PRIMA1: variants seen among roughly 807,000 people sequenced by gnomAD.
PRIMA1 encodes the protein proline rich membrane anchor 1.
A neutral mutation model predicts 17.5 loss-of-function variants in PRIMA1; 7 were observed. That is an observed-to-expected ratio of 0.40 (90% CI 0.23 to 0.75). The LOEUF (loss-of-function observed/expected upper bound fraction) is 0.75, where lower values mean the gene tolerates loss of function less well. Among genes scored for constraint, PRIMA1 ranks in the 30% least tolerant of loss-of-function variants. The probability of loss-of-function intolerance (pLI) is 0.37; values close to 1 mark genes in which losing one functional copy is unlikely to be tolerated. For synonymous variants in PRIMA1, 97 were observed against 77.9 expected (o/e 1.25, Z -1.29); for missense variants, 200 against 201.8 (o/e 0.99, Z 0.05).
intron 3 of PRIMA1, among the ~76,000 whole-genome samples, chr14:93,758,097 T>C (rs2076303308): frequency 6.6e-6 from 1 of 152,226 alleles, no homozygotes; most frequent in Non-Finnish European, 1.5e-5. Context: ...TTCACTTTCC[T>C]GTCCTGCCTC....
intron 3 of PRIMA1, among the ~76,000 whole-genome samples, chr14:93,773,177 T>A (rs1885116989): frequency 6.6e-6 from 1 of 152,214 alleles, no homozygotes; most frequent in African/African-American, 2.4e-5. Flanking sequence ...TACCACCTTT[T>A]GAGCACAAAG....
intron 4 of PRIMA1, among the ~76,000 whole-genome samples, chr14:93,734,854 G>A (rs2076139620): frequency 1.3e-5 from 2 of 152,166 alleles, no homozygotes; most frequent in African/African-American, 2.4e-5. Context: ...GGAGCCAAGA[G>A]CTCAGAGAAA....
At chr14:93,724,940 G>A (rs189185291) in intron 4 of PRIMA1, among the ~76,000 whole-genome samples, 1 of 152,264 alleles carries the variant, frequency 6.6e-6, no homozygotes, top group East Asian at 1.9e-4. Flanking sequence ...ACCCTTTTGC[G>A]GCTAAGGTGA....
At chr14:93,763,670 G>C (rs1443945506) in intron 3 of PRIMA1, among the ~76,000 whole-genome samples, 3 of 152,126 alleles carry the variant, frequency 2.0e-5, no homozygotes, top group Non-Finnish European at 4.4e-5. Context: ...TGCGTGCCCC[G>C]TCTGCTAATC....
At chr14:93,785,809 T>A (rs1298831751) in intron 2 of PRIMA1, among the ~76,000 whole-genome samples, 1 of 152,116 alleles carries the variant, frequency 6.6e-6, no homozygotes, top group East Asian at 1.9e-4. Flanking sequence ...CCTTTTTAAA[T>A]TGATTTTTAT....
intron 3 of PRIMA1, among the ~76,000 whole-genome samples, chr14:93,746,044 C>G (rs1321218152): frequency 1.3e-5 from 2 of 152,138 alleles, no homozygotes; most frequent in Non-Finnish European, 2.9e-5. Context: ...CTATATCCCC[C>G]ACCCTCCAGA....
chr14:93,726,718 TACAC>T lies in PRIMA1; in HGVS notation c.360-5176_360-5173del, dbSNP rs563286907. The stretch of plus-strand genomic sequence containing the variant: ...GCACAAACCCATACAAACATGTACT[TACAC>T]ACACACATATATGTACACACAGGCA... On this transcript the variant is annotated intron_variant, in intron 4 of 4. Coordinates refer to ENST00000393140, the MANE Select transcript of PRIMA1 (RefSeq NM_178013.4). The surrounding 1 kb of genome is among the most constrained non-coding windows in gnomAD (Gnocchi z 4.2). Among the ~76,000 whole-genome samples, 389 of 152,002 alleles carry T rather than the reference TACAC, an allele frequency of 2.6e-3. 4 individuals are homozygous for T. The highest frequency in any genetic ancestry group is 8.9e-3 in the African/African-American group (367 of 41,420).
chr14:93,737,162 T>A (rs1024366000), intron 4 of PRIMA1, 79 bp downstream of exon 4: 50 of 1,381,078 alleles, frequency 3.6e-5, no homozygotes, highest in Non-Finnish European at 4.9e-5. Context: ...AAAATAATGA[T>A]ACGGGATGTG....
intron 2 of PRIMA1, 25 bp downstream of exon 2, chr14:93,787,601 C>T: frequency 1.3e-6 from 2 of 1,538,968 alleles, no homozygotes; most frequent in Non-Finnish European, 1.7e-6. Flanking sequence ...GCCCTCCCAG[C>T]CAGTGCGCAG....
chr14:93,770,302 A>C (rs1885021751), intron 3 of PRIMA1, among the ~76,000 whole-genome samples: 1 of 151,852 alleles, frequency 6.6e-6, no homozygotes, highest in Non-Finnish European at 1.5e-5. Flanking sequence ...CACACCCCCT[A>C]CTCAAAACCC....
intron 2 of PRIMA1, among the ~76,000 whole-genome samples, chr14:93,783,460 T>C (rs1161075537): frequency 6.6e-6 from 1 of 152,204 alleles, no homozygotes; most frequent in Non-Finnish European, 1.5e-5. Flanking sequence ...CAGTGTTGTA[T>C]TTAGACCAAT....
Position 93,738,744 on chromosome 14 carries a change from C to T in PRIMA1, c.230-1374G>A, listed in dbSNP as rs532239140. Among the ~76,000 whole-genome samples, 228 of 152,304 alleles carry T rather than the reference C, an allele frequency of 1.5e-3. 1 individual carries two copies. The highest frequency in any genetic ancestry group is 2.1e-3 in the Admixed American group (32 of 15,300). ...TCCTCTGAGCTTTGACAAATGCATGCACCAGTGGAAGCCGCACCTTCAGCA... is the reference window on the plus strand; with the variant it reads ...TCCTCTGAGCTTTGACAAATGCATGTACCAGTGGAAGCCGCACCTTCAGCA... On this transcript the variant is annotated intron_variant, in intron 3 of 4. Coordinates refer to ENST00000393140, the MANE Select transcript of PRIMA1 (RefSeq NM_178013.4).
intron 4 of PRIMA1, among the ~76,000 whole-genome samples, chr14:93,725,243 G>A (rs1300584122): frequency 6.6e-6 from 1 of 152,146 alleles, no homozygotes; most frequent in Non-Finnish European, 1.5e-5. Context: ...AAGGGCCCCA[G>A]ACAGGAGCAT....
chr14:93,776,649 A>T (rs905263785), intron 3 of PRIMA1, among the ~76,000 whole-genome samples: 1 of 152,246 alleles, frequency 6.6e-6, no homozygotes, highest in Non-Finnish European at 1.5e-5. Flanking sequence ...ATCACTGCCC[A>T]GAGCAGTTTC....
intron 4 of PRIMA1, among the ~76,000 whole-genome samples, chr14:93,733,245 G>C (rs1036171486): frequency 2.6e-5 from 4 of 152,186 alleles, no homozygotes; most frequent in Non-Finnish European, 4.4e-5. Context: ...TGGCTACCAG[G>C]TCTGGGCAAG....
In PRIMA1 at chr14:93,718,860, T is replaced by G. The variant is rs2076019669; in HGVS notation, c.*2584A>C. 1 of 152,380 alleles carries G rather than the reference T, an allele frequency of 6.6e-6. No homozygotes were observed. The highest frequency in any genetic ancestry group is 1.5e-5 in the Non-Finnish European group (1 of 68,014). 9.4% of individuals were successfully genotyped at this position (152,380 alleles called of 1,614,324 possible). A position where few individuals can be genotyped will look rare whatever the true frequency, so the allele number is the denominator to read the frequency against. On this transcript the variant is annotated 3_prime_UTR_variant, in exon 5 of 5. Coordinates refer to ENST00000393140, the MANE Select transcript of PRIMA1 (RefSeq NM_178013.4). ...GAGAAAATGAGAAGGGAAGTGCATT[T>G]CATTCTTGACCTCAGGGCTCGGACT... is the stretch of plus-strand genomic sequence containing the variant.
chr14:93,748,727 G>A lies in PRIMA1; in HGVS notation c.230-11357C>T, dbSNP rs142090993. Among the ~76,000 whole-genome samples, 106 of 152,244 alleles carry A rather than the reference G, an allele frequency of 7.0e-4. No homozygotes were observed. The East Asian group carries it at 0.014, about 21-fold the overall frequency. ...TCTATTTCTGCCTGGTGCTCTGTGC[G>A]CGGAGCCCAGTGTGGTGGCAGATTG... On this transcript the variant is annotated intron_variant, in intron 3 of 4. Transcript: ENST00000393140.
chr14:93,766,441 C>T (rs776601013), intron 3 of PRIMA1, among the ~76,000 whole-genome samples: 2 of 152,140 alleles, frequency 1.3e-5, no homozygotes, highest in East Asian at 1.9e-4. Context: ...AGCCTCTAGC[C>T]TCCAAGAGCC....
intron 3 of PRIMA1, 127 bp from the exon 4 acceptor site, chr14:93,737,497 G>A: frequency 9.1e-7 from 1 of 1,095,428 alleles, no homozygotes; most frequent in South Asian, 1.6e-5. Context: ...CATCATGGGT[G>A]ACACCAACAG....
Sources: gnomAD v4.1 joint callset for allele counts (sites outside exome capture counted in the v4.1 genomes callset) on GRCh38, gnomAD v4.1.1 for gene constraint, Gnocchi (gnomAD v3.1) non-coding constraint, MANE v1.5 for transcripts, NCBI Gene and HGNC (gene_info 2026-07-23, HGNC 2026-07-21) for gene names.